Variants in CLCA2 observed in about 807,000 individuals in gnomAD.
CLCA2 encodes the protein chloride channel accessory 2.
A neutral mutation model predicts 82.9 loss-of-function variants in CLCA2; 85 were observed. The ratio of observed to expected loss-of-function variants is 1.03; its 90% CI spans 0.86 to 1.23. CLCA2 has a LOEUF of 1.23. CLCA2 is among the 50% of genes most tolerant of loss of function. CLCA2 has a pLI of 0.00. For synonymous variants in CLCA2, 421 were observed against 391.7 expected (o/e 1.07, Z -0.88); for missense variants, 1,089 against 1,124.8 (o/e 0.97, Z 0.45).
chr1:86,456,000 G>A lies in CLCA2; in HGVS notation c.*473G>A, dbSNP rs1390820357. ...TTATATATGAAGCCCCTAATGCAAA[G>A]CTCTTTACCTCTTGCTATTTTGTTA... On this transcript the variant is annotated 3_prime_UTR_variant, in exon 14 of 14. Transcript: ENST00000370565. The A allele has an allele frequency of 6.6e-6, 1 of 152,194 alleles. No homozygotes were observed. Among genetic ancestry groups the A allele is most frequent in the African/African-American group, 2.4e-5 (1 of 41,436 alleles). 9.4% of individuals were successfully genotyped at this position (152,194 alleles called of 1,614,324 possible).
chr1:86,455,048 G>T lies in CLCA2; in HGVS notation c.2390-37G>T, dbSNP rs191317100. The stretch of plus-strand genomic sequence containing the variant: ...TAATAAACTAGAAAATATACTCAAA[G>T]TGACTTAATTTTCCTATTTATATTT... On this transcript the variant is annotated intron_variant, in intron 13 of 13. Transcript: ENST00000370565. 3.6e-3 allele frequency: 4,497 copies of T among 1,235,604 alleles called. 18 individuals are homozygous for T. Among genetic ancestry groups the T allele is most frequent in the South Asian group, 5.5e-3 (327 of 59,460 alleles). The allele number at this position is 1,235,604 out of a possible 1,614,324, so 76.5% of individuals were successfully genotyped here.
At chr1:86,436,776 C>T (rs1231643399) in intron 6 of CLCA2, among the ~76,000 whole-genome samples, 7 of 152,044 alleles carry the variant, frequency 4.6e-5, no homozygotes, top group Non-Finnish European at 8.8e-5. Flanking sequence ...TACAATGGCA[C>T]GATCTCAGCT....
intron 5 of CLCA2, among the ~76,000 whole-genome samples, chr1:86,433,066 T>A (rs1931362): frequency 0.28 from 42,495 of 151,936 alleles, 6,450 homozygotes; most frequent in Non-Finnish European, 0.34. Context: ...TATTATTTTT[T>A]AAACTATTAA....
chr1:86,453,646 T>C, intron 13 of CLCA2, 44 bp downstream of exon 13: 1 of 1,530,952 alleles, frequency 6.5e-7, no homozygotes, highest in South Asian at 1.1e-5. Flanking sequence ...TAAGACAGCA[T>C]TTCTAATAAC....
rs756184104 is a variant in CLCA2 at position 86,434,706 on chromosome 1, G to T, written c.933G>T (p.Val311=). ...CGCTTGTACAGGCTGGTGACAAAGTGGTCTGTTTAGTGCTGGATGTGTCCA... is the reference window on the plus strand; with the variant it reads ...CGCTTGTACAGGCTGGTGACAAAGTTGTCTGTTTAGTGCTGGATGTGTCCA... ...TFSLVQAGDK[V]VCLVLDVSSK... is the part of the protein sequence containing the mutation. Residue 311 remains valine (V), a synonymous_variant, in exon 6 of 14, where the codon GTG becomes GTT. Coordinates refer to ENST00000370565, the MANE Select transcript of CLCA2 (RefSeq NM_006536.7). The T allele has an allele frequency of 1.2e-6, 2 of 1,613,964 alleles. No homozygotes were observed. Among genetic ancestry groups the T allele is most frequent in the Non-Finnish European group, 1.7e-6 (2 of 1,179,898 alleles).
chr1:86,428,563 C>G lies in CLCA2; in HGVS notation c.470C>G (p.Ser157Ter). The change falls in exon 3 of 14, where the codon TCA becomes TGA. Residue 157 changes from serine to a stop codon, truncating the protein, a stop_gained. Coordinates refer to ENST00000370565, the MANE Select transcript of CLCA2 (RefSeq NM_006536.7). LOFTEE classifies it high-confidence loss of function. ...GATAACTTAACAGCTGGCTACGGAT[C>G]ACGAGGTAAGTGGGACCAATAAAAC... ...LNDNLTAGYG[S>*]RGRVFVHEWA... 1 of 1,612,806 alleles carries G rather than the reference C, an allele frequency of 6.2e-7. No homozygotes were observed. The highest frequency in any genetic ancestry group is 8.5e-7 in the Non-Finnish European group (1 of 1,179,320).
At chr1:86,447,104 T>G (rs1662868249) in intron 10 of CLCA2, among the ~76,000 whole-genome samples, 1 of 152,214 alleles carries the variant, frequency 6.6e-6, no homozygotes, top group African/African-American at 2.4e-5. Context: ...ATTAATTTGA[T>G]GTAATTTTCT....
At position 86,438,978 on chromosome 1, in the gene CLCA2, G is replaced by C. The variant is rs1461498083; in HGVS notation, c.1075G>C (p.Glu359Gln). 1.2e-6 allele frequency: 2 copies of C among 1,614,132 alleles called. No individual in the cohort carries two copies. The highest frequency in any genetic ancestry group is 1.7e-6 in the Non-Finnish European group (2 of 1,180,002). The change falls in exon 7 of 14, where the codon GAG (glutamate) becomes CAG (glutamine). Residue 359 changes from glutamate to glutamine, a missense_variant. Transcript: ENST00000370565. ...CATTGCCAGTTTCGACAGCAAAGGA[G>C]AGATCAGAGCCCAGCTACACCAAAT... ...VGIASFDSKG[E>Q]IRAQLHQINS...
Position 86,443,803 on chromosome 1 carries a change from A to T in CLCA2, c.1505A>T (p.Glu502Val). The T allele has an allele frequency of 1.2e-6, 2 of 1,613,720 alleles. No individual in the cohort carries two copies. Among genetic ancestry groups the T allele is most frequent in the South Asian group, 2.2e-5 (2 of 91,042 alleles). Residue 502 changes from glutamate (E) to valine (V), a missense_variant, in exon 10 of 14, where the codon GAA becomes GTA. Physicochemically the swap from Glu to Val is moderately radical, Grantham distance 121 (BLOSUM62 -2). Transcript: ENST00000370565. ...QQHIQLESTG[E>V]NVKPHHQLKN... ...CTTTAACAGCTTGAAAGTACAGGTG[A>T]AAATGTCAAACCTCACCATCAATTG... is the stretch of plus-strand genomic sequence containing the variant.
chr1:86,442,395 A>G (rs935878569), intron 9 of CLCA2, among the ~76,000 whole-genome samples: 1 of 152,232 alleles, frequency 6.6e-6, no homozygotes, highest in African/African-American at 2.4e-5. Context: ...AAATGTTTAA[A>G]GAAGTAAAAA....
chr1:86,449,327 C>A lies in CLCA2; in HGVS notation c.1985-1236C>A, dbSNP rs565262011. On this transcript the variant is annotated intron_variant, in intron 11 of 13. Coordinates refer to ENST00000370565, the MANE Select transcript of CLCA2 (RefSeq NM_006536.7). ...GGCTCAGAGACATGAAGCCTCATAGCTACTAAGTGACAGATGCAGGCCTTC... is the reference window on the plus strand; with the variant it reads ...GGCTCAGAGACATGAAGCCTCATAGATACTAAGTGACAGATGCAGGCCTTC... Among the ~76,000 whole-genome samples the A allele has an allele frequency of 6.4e-4, 97 of 152,298 alleles. 2 individuals are homozygous for A. The highest frequency in any genetic ancestry group is 2.2e-3 in the African/African-American group (90 of 41,578).
At chr1:86,442,587 T>C (rs1339648871) in intron 9 of CLCA2, among the ~76,000 whole-genome samples, 2 of 152,336 alleles carry the variant, frequency 1.3e-5, no homozygotes, top group African/African-American at 4.8e-5. Context: ...CAGCAATCCA[T>C]AAATATTTCT....
chr1:86,427,594 AC>A (rs1389297531), intron 2 of CLCA2, among the ~76,000 whole-genome samples: 2 of 151,840 alleles, frequency 1.3e-5, no homozygotes, highest in South Asian at 2.1e-4. Context: ...TACATATTGT[AC>A]ATAGAGTGAT....
chr1:86,453,476 G>A lies in CLCA2; in HGVS notation c.2263G>A (p.Val755Ile), dbSNP rs776072375. The part of the protein sequence containing the change: ...SSGGSFSVLG[V>I]PAGPHPDVFP... ...AGGAGGCTCCTTTTCAGTGCTGGGA[G>A]TTCCAGCTGGCCCCCACCCTGATGT... Residue 755 changes from valine to isoleucine, a missense_variant, in exon 13 of 14, where the codon GTT becomes ATT. Physicochemically the swap from Val to Ile is conservative, Grantham distance 29. Coordinates refer to ENST00000370565, the MANE Select transcript of CLCA2 (RefSeq NM_006536.7). 2.5e-6 allele frequency: 4 copies of A among 1,614,150 alleles called. No individual in the cohort carries two copies. Among genetic ancestry groups the A allele is most frequent in the Admixed American group, 3.3e-5 (2 of 60,022 alleles).
chr1:86,451,623 T>A (rs969174691), intron 12 of CLCA2, among the ~76,000 whole-genome samples: 7 of 152,096 alleles, frequency 4.6e-5, no homozygotes, highest in Non-Finnish European at 1.0e-4. Flanking sequence ...TTTTTCCAGC[T>A]CCTCCTTTTC....
At chr1:86,434,774 A>G in intron 6 of CLCA2, 29 bp downstream of exon 6, 1 of 1,491,868 alleles carries the variant, frequency 6.7e-7, no homozygotes, top group Non-Finnish European at 9.3e-7. Flanking sequence ...ATGAATGTAA[A>G]CATTTATCAT....
rs757459074 is a variant in CLCA2 at position 86,434,625 on chromosome 1, C to A, written c.852C>A (p.Asp284Glu). Residue 284 changes from aspartate (D) to glutamate (E), a missense_variant, in exon 6 of 14, where the codon GAC becomes GAA. Physicochemically the swap from Asp to Glu is conservative, Grantham distance 45. Coordinates refer to ENST00000370565, the MANE Select transcript of CLCA2 (RefSeq NM_006536.7). The part of the protein sequence containing the change: ...SAWDVITDSA[D>E]FHHSFPMNGT... ...GGGATGTAATCACAGACTCTGCTGA[C>A]TTTCACCACAGCTTTCCCATGAATG... is the stretch of plus-strand genomic sequence containing the variant. 2 of 1,614,106 alleles carry A rather than the reference C, an allele frequency of 1.2e-6. No homozygotes were observed. The highest frequency in any genetic ancestry group is 1.7e-6 in the Non-Finnish European group (2 of 1,179,972).
intron 11 of CLCA2, among the ~76,000 whole-genome samples, chr1:86,449,478 T>A (rs936001378): frequency 6.6e-6 from 1 of 152,246 alleles, no homozygotes; most frequent in Non-Finnish European, 1.5e-5. Flanking sequence ...TCAACAAAGA[T>A]AAACCTTATT....
At chr1:86,447,150 T>G (rs573258300) in intron 10 of CLCA2, among the ~76,000 whole-genome samples, 10 of 152,332 alleles carry the variant, frequency 6.6e-5, no homozygotes, top group South Asian at 2.1e-4. Context: ...TTTAAACGCC[T>G]TTTTGGGGAA....
Sources: allele counts gnomAD v4.1 joint callset (sites outside exome capture counted in the v4.1 genomes callset), GRCh38; gene constraint gnomAD v4.1.1; transcripts MANE v1.5; gene names NCBI Gene and HGNC (gene_info 2026-07-23, HGNC 2026-07-21).